The following SSBP2 variants were observed in gnomAD, a reference collection of about 807,000 sequenced individuals.
SSBP2 encodes single-stranded DNA-binding protein 2.
SSBP2 carries 17 observed loss-of-function variants against 61.8 expected under a neutral mutation model. The ratio of observed to expected loss-of-function variants is 0.28; its 90% CI spans 0.19 to 0.41. The LOEUF (loss-of-function observed/expected upper bound fraction) is 0.41. Among genes scored for constraint, SSBP2 ranks in the 10% least tolerant of loss-of-function variants. The pLI is 1.00. For synonymous variants in SSBP2, 139 were observed against 141.3 expected (o/e 0.98, Z 0.12); for missense variants, 310 against 458.7 (o/e 0.68, Z 2.96).
intron 4 of SSBP2, among the ~76,000 whole-genome samples, chr5:81,604,040 A>T (rs2153566738): frequency 6.6e-6 from 1 of 152,262 alleles, no homozygotes; most frequent in South Asian, 2.1e-4. Flanking sequence ...ACATTCCAAG[A>T]AGTATAACAG....
intron 4 of SSBP2, among the ~76,000 whole-genome samples, chr5:81,565,393 ATACT>A (rs759089308): frequency 3.3e-5 from 5 of 152,312 alleles, no homozygotes; most frequent in South Asian, 2.1e-4. Context: ...ACTTCCTCAC[ATACT>A]TAAATATAAA....
At chr5:81,531,078 CA>C (rs1453979429) in intron 4 of SSBP2, among the ~76,000 whole-genome samples, 1 of 150,842 alleles carries the variant, frequency 6.6e-6, no homozygotes, top group Non-Finnish European at 1.5e-5. Context: ...CAAACCAAAA[CA>C]AAACAAAAAT....
intron 12 of SSBP2, chr5:81,442,924 T>C: frequency 5.2e-6 from 2 of 387,820 alleles, no homozygotes; most frequent in Non-Finnish European, 9.2e-6. Flanking sequence ...AAATTAGGTA[T>C]GAGGAATCAC....
At chr5:81,709,969 CTTTTGAATATCTGAAT>C (rs2153929619) in intron 1 of SSBP2, among the ~76,000 whole-genome samples, 1 of 152,094 alleles carries the variant, frequency 6.6e-6, no homozygotes, top group East Asian at 1.9e-4. Flanking sequence ...CTTTTCAATA[CTTTTGAATATCTGAAT>C]TTTTATACTT....
At chr5:81,575,077 G>T (rs1364750019) in intron 4 of SSBP2, among the ~76,000 whole-genome samples, 2 of 152,132 alleles carry the variant, frequency 1.3e-5, no homozygotes, top group Non-Finnish European at 2.9e-5. Context: ...AGACCATCCT[G>T]GCCAACATGG....
At chr5:81,542,829 C>CTCTCTTTT (rs143226280) in intron 4 of SSBP2, among the ~76,000 whole-genome samples, 1 of 146,784 alleles carries the variant, frequency 6.8e-6, no homozygotes, top group South Asian at 2.2e-4. Context: ...CTCTCTCTCT[C>CTCTCTTTT]TCTCTCTCTC....
chr5:81,606,082 A>G (rs1744856314), intron 4 of SSBP2, among the ~76,000 whole-genome samples: 1 of 152,188 alleles, frequency 6.6e-6, no homozygotes, highest in Admixed American at 6.5e-5. Context: ...TAGATGCACA[A>G]TTTTGATCCA....
intron 8 of SSBP2, among the ~76,000 whole-genome samples, chr5:81,471,106 A>AT (rs1488163962): frequency 1.3e-5 from 2 of 151,864 alleles, no homozygotes; most frequent in East Asian, 3.8e-4. Context: ...TCTGAGGTAA[A>AT]TTCATACCAG....
At chr5:81,625,492 C>G (rs932627071) in intron 3 of SSBP2, among the ~76,000 whole-genome samples, 3 of 152,030 alleles carry the variant, frequency 2.0e-5, no homozygotes, top group African/African-American at 7.2e-5. Flanking sequence ...GAGTTTTATA[C>G]ACTCTTTATT....
intron 1 of SSBP2, among the ~76,000 whole-genome samples, chr5:81,696,983 C>T (rs1753647271): frequency 6.6e-6 from 1 of 152,192 alleles, no homozygotes; most frequent in Non-Finnish European, 1.5e-5. Context: ...AATCCCCATC[C>T]ATGATGCACA....
chr5:81,689,016 AAC>A (rs1753019037), intron 1 of SSBP2, among the ~76,000 whole-genome samples: 2 of 152,094 alleles, frequency 1.3e-5, no homozygotes, highest in African/African-American at 4.8e-5. Flanking sequence ...AGATAAATTT[AAC>A]AGAGATTGAA....
rs1189359659 is a variant in SSBP2 at position 81,661,159 on chromosome 5, A to C, written c.63-10820T>G. On this transcript the variant is annotated intron_variant, in intron 1 of 16. Transcript: ENST00000320672. ...TGAACATTCTGCACATGTATCCTGG[A>C]ACTTTAAAAAATTGTTTTTTAAAGA... Among the ~76,000 whole-genome samples the C allele has an allele frequency of 2.6e-5, 4 of 152,180 alleles. No homozygotes were observed. In the East Asian group the frequency reaches 7.7e-4, roughly 29 times the overall value.
chr5:81,481,569 G>A (rs996943163), intron 6 of SSBP2, among the ~76,000 whole-genome samples: 1 of 150,192 alleles, frequency 6.7e-6, no homozygotes, highest in African/African-American at 2.5e-5. Context: ...GCAGTGAGCC[G>A]AGATTGCGCC....
At chr5:81,493,853 T>C (rs1163562798) in intron 5 of SSBP2, among the ~76,000 whole-genome samples, 2 of 152,132 alleles carry the variant, frequency 1.3e-5, no homozygotes, top group African/African-American at 4.8e-5. Context: ...CTGCCTTGAC[T>C]TCCCAAAGTG....
chr5:81,474,258 TAATTA>T (rs1765443551), intron 7 of SSBP2, among the ~76,000 whole-genome samples: 1 of 152,184 alleles, frequency 6.6e-6, no homozygotes, highest in African/African-American at 2.4e-5. Flanking sequence ...TTAGAATTAT[TAATTA>T]AAATATGGAT....
intron 4 of SSBP2, among the ~76,000 whole-genome samples, chr5:81,528,297 G>A (rs1004814411): frequency 6.6e-6 from 1 of 152,012 alleles, no homozygotes; most frequent in Non-Finnish European, 1.5e-5. Context: ...GGTAGCTTGT[G>A]CTATTTTATG....
chr5:81,643,876 T>C (rs1749033188), intron 2 of SSBP2, among the ~76,000 whole-genome samples: 1 of 152,152 alleles, frequency 6.6e-6, no homozygotes, highest in Non-Finnish European at 1.5e-5. Context: ...GTGCTGGGAT[T>C]ACATGCGTGA....
chr5:81,617,000 G>GA (rs1188249787), intron 3 of SSBP2, among the ~76,000 whole-genome samples: 1 of 109,556 alleles, frequency 9.1e-6, no homozygotes, highest in African/African-American at 3.7e-5. Flanking sequence ...CAAAGATGGG[G>GA]AAAAAACAGA....
At chr5:81,444,691 A>G (rs1441921298) in intron 12 of SSBP2, among the ~76,000 whole-genome samples, 7 of 152,160 alleles carry the variant, frequency 4.6e-5, no homozygotes, top group Admixed American at 1.3e-4. Context: ...TGGTTTTTCA[A>G]CTGTATTGGC....
Sources: gnomAD v4.1 joint callset for allele counts (sites outside exome capture counted in the v4.1 genomes callset) on GRCh38, gnomAD v4.1.1 for gene constraint, MANE v1.5 for transcripts, NCBI Gene and HGNC (gene_info 2026-07-23, HGNC 2026-07-21) for gene names.